TCF7L1: variants seen among roughly 807,000 people sequenced by gnomAD.
The protein encoded by TCF7L1 is transcription factor 7-like 1.
TCF7L1 carries 18 observed loss-of-function variants against 63.7 expected under a neutral mutation model. That is an observed-to-expected ratio of 0.28 (90% CI 0.20 to 0.42). TCF7L1 has a LOEUF of 0.42. Ranked by LOEUF, TCF7L1 falls within the 10% of genes least tolerant of loss-of-function variation. The probability of loss-of-function intolerance (pLI) is 1.00; values close to 1 mark genes in which losing one functional copy is unlikely to be tolerated. For missense variants in TCF7L1, 654 were observed against 779.3 expected (o/e 0.84, Z 1.91); for synonymous variants, 355 against 340.9 (o/e 1.04, Z -0.46).
intron 3 of TCF7L1, among the ~76,000 whole-genome samples, chr2:85,226,867 T>C (rs1679967452): frequency 6.6e-6 from 1 of 150,434 alleles, no homozygotes; most frequent in African/African-American, 2.5e-5. Context: ...TCCATGTCAT[T>C]CTCGTGCTTG....
chr2:85,286,293 T>C (rs1041630281), intron 4 of TCF7L1, among the ~76,000 whole-genome samples: 7 of 151,158 alleles, frequency 4.6e-5, no homozygotes, highest in African/African-American at 1.7e-4. Context: ...AGGTGGAAGT[T>C]GCAGTGAGCT....
At chr2:85,191,623 G>C (rs1015933045) in intron 3 of TCF7L1, among the ~76,000 whole-genome samples, 8 of 152,048 alleles carry the variant, frequency 5.3e-5, no homozygotes, top group Non-Finnish European at 1.2e-4. Flanking sequence ...TCAGGAGTTC[G>C]AGACCAGCCT....
intron 3 of TCF7L1, among the ~76,000 whole-genome samples, chr2:85,211,677 G>A (rs1456002901): frequency 6.6e-6 from 1 of 152,226 alleles, no homozygotes. Flanking sequence ...GACCCCACAT[G>A]GCAGTGCCTG....
At chr2:85,276,567 AGTC>A (rs1225681357) in intron 3 of TCF7L1, among the ~76,000 whole-genome samples, 3 of 152,228 alleles carry the variant, frequency 2.0e-5, no homozygotes, top group Admixed American at 6.5e-5. Context: ...CCACAGTTGC[AGTC>A]GTTTCTTTCC....
intron 3 of TCF7L1, among the ~76,000 whole-genome samples, chr2:85,154,677 T>C (rs1678104822): frequency 6.6e-6 from 1 of 152,216 alleles, no homozygotes; most frequent in Admixed American, 6.5e-5. Flanking sequence ...GGCCTAATAA[T>C]GATCTGATCC....
intron 3 of TCF7L1, among the ~76,000 whole-genome samples, chr2:85,153,514 T>G (rs6547595): frequency 0.019 from 2,862 of 152,006 alleles, 75 homozygotes; most frequent in African/African-American, 0.066. Flanking sequence ...GCTAATTTTT[T>G]GTATTTTTAG....
chr2:85,275,010 G>A (rs997262920), intron 3 of TCF7L1, among the ~76,000 whole-genome samples: 2 of 152,182 alleles, frequency 1.3e-5, no homozygotes, highest in Non-Finnish European at 2.9e-5. Context: ...GAAACCAGAG[G>A]TTCTGAAAGG....
chr2:85,290,228 G>T (rs975511065), intron 4 of TCF7L1, among the ~76,000 whole-genome samples: 5 of 151,396 alleles, frequency 3.3e-5, no homozygotes, highest in African/African-American at 1.2e-4. Flanking sequence ...TGATCTGCCC[G>T]CCTTGGCCTC....
At chr2:85,178,617 A>C (rs927465371) in intron 3 of TCF7L1, among the ~76,000 whole-genome samples, 39 of 152,198 alleles carry the variant, frequency 2.6e-4, no homozygotes, top group African/African-American at 8.4e-4. Context: ...CTGATATTTA[A>C]TGAGCACTTA....
intron 3 of TCF7L1, among the ~76,000 whole-genome samples, chr2:85,229,176 C>T (rs900079456): frequency 1.3e-5 from 2 of 152,050 alleles, no homozygotes; most frequent in Admixed American, 1.3e-4. Flanking sequence ...GAAACCCTGT[C>T]TCTACTGAAA....
rs781174724 is a variant in TCF7L1 at position 85,133,969 on chromosome 2, G to T, written c.249+36G>T. 1 of 1,586,034 alleles carries T rather than the reference G, an allele frequency of 6.3e-7. No homozygotes were observed. Among genetic ancestry groups the T allele is most frequent in the Non-Finnish European group, 8.6e-7 (1 of 1,164,574 alleles). Reference sequence around the variant, plus strand: ...ACCGCGGCCACCCCCGGGGGATCCCGGCCCTGCGTCCGCTCACCCGCTCTT... The same window carrying T: ...ACCGCGGCCACCCCCGGGGGATCCCTGCCCTGCGTCCGCTCACCCGCTCTT... On this transcript the variant is annotated intron_variant, in intron 1 of 11. Coordinates refer to ENST00000282111, the MANE Select transcript of TCF7L1 (RefSeq NM_031283.3). The surrounding 1 kb of genome is among the most constrained non-coding windows in gnomAD (Gnocchi z 4.4).
chr2:85,232,296 C>T (rs370463154), intron 3 of TCF7L1, among the ~76,000 whole-genome samples: 3 of 152,134 alleles, frequency 2.0e-5, no homozygotes, highest in African/African-American at 4.8e-5. Flanking sequence ...ATGCTCAGCC[C>T]GGTCAAGCGA....
Position 85,212,038 on chromosome 2 carries a change from T to C in TCF7L1, c.442-71457T>C, listed in dbSNP as rs182304998. On this transcript the variant is annotated intron_variant, in intron 3 of 11. Transcript: ENST00000282111. Reference sequence around the variant, plus strand: ...CTGGGAGGCAGAGGTTGCAGTGAGCTGAGATCACGCCGCTGCACTCCAGCC... The same window carrying C: ...CTGGGAGGCAGAGGTTGCAGTGAGCCGAGATCACGCCGCTGCACTCCAGCC... 3.0e-3 allele frequency among the ~76,000 whole-genome samples: 389 copies of C among 131,204 alleles called. 1 individual carries two copies. The highest frequency in any genetic ancestry group is 0.011 in the African/African-American group (374 of 34,762). The allele number at this position is 131,204 out of a possible 152,430, so 86.1% of individuals were successfully genotyped here.
At chr2:85,217,684 C>T (rs143663637) in intron 3 of TCF7L1, among the ~76,000 whole-genome samples, 1 of 152,322 alleles carries the variant, frequency 6.6e-6, no homozygotes, top group Non-Finnish European at 1.5e-5. Context: ...TCCCCCAATA[C>T]CCTGTATAGG....
intron 4 of TCF7L1, among the ~76,000 whole-genome samples, chr2:85,289,268 C>G (rs979162164): frequency 6.6e-6 from 1 of 150,952 alleles, no homozygotes; most frequent in African/African-American, 2.5e-5. Context: ...TTATAACTTG[C>G]TCTCTGATGA....
chr2:85,134,095 G>C lies in TCF7L1; in HGVS notation c.313+16G>C. 2 of 1,608,214 alleles carry C rather than the reference G, an allele frequency of 1.2e-6. No homozygotes were observed. The highest frequency in any genetic ancestry group is 1.7e-6 in the Non-Finnish European group (2 of 1,178,486). On this transcript the variant is annotated intron_variant, in intron 2 of 11. Coordinates refer to ENST00000282111, the MANE Select transcript of TCF7L1 (RefSeq NM_031283.3). This position sits in a 1 kb window ranked among gnomAD's most constrained non-coding sequence, Gnocchi z 5.0. ...TTCGCCGAAGGTATGTGCCCGCTGG[G>C]ACAGCCCCCCACTCTCGATTCCCGC...
chr2:85,276,806 TCC>T (rs1345646154), intron 3 of TCF7L1, among the ~76,000 whole-genome samples: 3 of 152,154 alleles, frequency 2.0e-5, no homozygotes, highest in African/African-American at 7.2e-5. Flanking sequence ...GAGCTTACCG[TCC>T]CAAGGGCAGA....
chr2:85,296,071 C>G (rs1327496448), intron 4 of TCF7L1, among the ~76,000 whole-genome samples: 1 of 152,190 alleles, frequency 6.6e-6, no homozygotes, highest in Admixed American at 6.5e-5. Flanking sequence ...AGCCATCATA[C>G]CCAGCCAGTA....
At chr2:85,297,430 C>T (rs1195520132) in intron 4 of TCF7L1, among the ~76,000 whole-genome samples, 4 of 152,226 alleles carry the variant, frequency 2.6e-5, no homozygotes, top group Non-Finnish European at 5.9e-5. Context: ...CGTGGGTCCT[C>T]ACACGTGCTA....
Sources: allele counts gnomAD v4.1 joint callset (sites outside exome capture counted in the v4.1 genomes callset), GRCh38; gene constraint gnomAD v4.1.1; non-coding constraint Gnocchi (gnomAD v3.1); transcripts MANE v1.5; gene names NCBI Gene and HGNC (gene_info 2026-07-23, HGNC 2026-07-21).